The following PCDHGA10 variants were observed in gnomAD, a reference collection of about 807,000 sequenced individuals.
PCDHGA10 encodes the protein protocadherin gamma subfamily A, 10.
Under a neutral mutation model 59.5 loss-of-function variants are expected in PCDHGA10, and 42 were observed. The ratio of observed to expected loss-of-function variants is 0.71; its 90% CI spans 0.55 to 0.91. PCDHGA10 has a LOEUF of 0.91. PCDHGA10 is among the 40% of genes least tolerant of loss of function. PCDHGA10 has a pLI of 0.00. For synonymous variants in PCDHGA10, 511 were observed against 517.2 expected, an observed-to-expected ratio of 0.99 and a Z score of 0.16; for missense variants, 1,111 against 1,198.2, an observed-to-expected ratio of 0.93 and a Z score of 1.07.
intron 1 of PCDHGA10, among the ~76,000 whole-genome samples, chr5:141,449,586 C>T (rs2098645911): frequency 1.6e-5 from 2 of 125,482 alleles, no homozygotes; most frequent in East Asian, 2.3e-4. Context: ...AAGACTCTGT[C>T]TCAAAAAAAA....
chr5:141,456,335 G>A (rs2098850730), intron 1 of PCDHGA10, among the ~76,000 whole-genome samples: 1 of 152,114 alleles, frequency 6.6e-6, no homozygotes. Flanking sequence ...TTGATCTAAG[G>A]GTCCTCGGAA....
intron 1 of PCDHGA10, chr5:141,433,010 C>A (rs1392666523): frequency 6.2e-7 from 1 of 1,614,178 alleles, no homozygotes. Flanking sequence ...GGCTTTCCTG[C>A]AGACCTATTC....
intron 1 of PCDHGA10, among the ~76,000 whole-genome samples, chr5:141,438,587 C>CAT (rs1372372472): frequency 1.4e-4 from 10 of 73,396 alleles, no homozygotes; most frequent in East Asian, 3.8e-4. Context: ...TACATACATA[C>CAT]ATACATATAT....
At chr5:141,459,885 C>A (rs1333668105) in intron 1 of PCDHGA10, among the ~76,000 whole-genome samples, 1 of 152,106 alleles carries the variant, frequency 6.6e-6, no homozygotes, top group East Asian at 1.9e-4. Flanking sequence ...CTGAGCTGAA[C>A]GCCTTCTTAA....
At chr5:141,423,357 C>G in intron 1 of PCDHGA10, 1 of 1,614,214 alleles carries the variant, frequency 6.2e-7, no homozygotes. Context: ...TCTTTGTCAT[C>G]GTGCTGCTGG....
At chr5:141,480,781 G>A (rs2099525581) in intron 1 of PCDHGA10, among the ~76,000 whole-genome samples, 1 of 152,174 alleles carries the variant, frequency 6.6e-6, no homozygotes, top group Admixed American at 6.5e-5. Flanking sequence ...CTAATGTGCA[G>A]ACAAATTTGA....
At chr5:141,509,574 G>A (rs554778751) in intron 3 of PCDHGA10, among the ~76,000 whole-genome samples, 7 of 152,182 alleles carry the variant, frequency 4.6e-5, no homozygotes, top group Non-Finnish European at 5.9e-5. Flanking sequence ...TTCACAGTGC[G>A]TACAAATCAG....
intron 1 of PCDHGA10, among the ~76,000 whole-genome samples, chr5:141,445,458 A>G (rs1427391084): frequency 6.6e-6 from 1 of 152,248 alleles, no homozygotes; most frequent in Non-Finnish European, 1.5e-5. Flanking sequence ...TGCAGCAATG[A>G]ACAAGGCATA....
chr5:141,425,015 A>G (rs1285592254), intron 1 of PCDHGA10, among the ~76,000 whole-genome samples: 2 of 152,190 alleles, frequency 1.3e-5, no homozygotes, highest in East Asian at 3.8e-4. Context: ...TCATTTAGGA[A>G]TTTACCTTAT....
Position 141,432,837 on chromosome 5 carries a change from T to C in PCDHGA10, c.2436+17226T>C. On this transcript the variant is annotated intron_variant, in intron 1 of 3. Transcript: ENST00000398610. This position sits in a 1 kb window ranked among gnomAD's most constrained non-coding sequence, Gnocchi z 6.0. ...GAAACCTCAGACCTCACTCTGTACC[T>C]GGTGGTAGCGGTGGCCGCGGTCTCC... The C allele has an allele frequency of 6.2e-7, 1 of 1,614,180 alleles. No individual in the cohort carries two copies. Among genetic ancestry groups the C allele is most frequent in the Non-Finnish European group, 8.5e-7 (1 of 1,180,004 alleles).
chr5:141,475,527 C>G (rs1462406655), intron 1 of PCDHGA10, among the ~76,000 whole-genome samples: 2 of 152,172 alleles, frequency 1.3e-5, no homozygotes, highest in African/African-American at 2.4e-5. Context: ...ATGCTAAATG[C>G]CTCCTTACAA....
chr5:141,443,251 C>T (rs200319609), intron 1 of PCDHGA10, among the ~76,000 whole-genome samples: 7 of 150,782 alleles, frequency 4.6e-5, no homozygotes, highest in East Asian at 3.9e-4. Flanking sequence ...GGCGCCAAGG[C>T]GGGTGGATCA....
chr5:141,421,328 A>G (rs1355932974), intron 1 of PCDHGA10: 1 of 1,613,902 alleles, frequency 6.2e-7, no homozygotes. Flanking sequence ...CAGATCCGAT[A>G]TTCGGTGCCA....
chr5:141,492,111 C>T (rs2154587044), intron 1 of PCDHGA10, among the ~76,000 whole-genome samples: 1 of 152,320 alleles, frequency 6.6e-6, no homozygotes, highest in South Asian at 2.1e-4. Context: ...ATTTCCTCTT[C>T]GATTTCTCCC....
chr5:141,423,082 G>A (rs1390567548), intron 1 of PCDHGA10: 3 of 1,614,078 alleles, frequency 1.9e-6, no homozygotes, highest in Admixed American at 1.7e-5. Flanking sequence ...GGGACTCTTC[G>A]CGGTGGGGGA....
chr5:141,428,056 C>T (rs2097104330), intron 1 of PCDHGA10: 3 of 1,609,000 alleles, frequency 1.9e-6, no homozygotes, highest in African/African-American at 1.3e-5. Flanking sequence ...AAGGTGGTGG[C>T]GGTGGACGCA....
intron 1 of PCDHGA10, among the ~76,000 whole-genome samples, chr5:141,461,881 T>C (rs2099025428): frequency 6.6e-6 from 1 of 152,060 alleles, no homozygotes. Flanking sequence ...TGGAGTGCAA[T>C]GGCACGATCT....
chr5:141,428,055 G>C (rs1232516220), intron 1 of PCDHGA10: 8 of 1,608,952 alleles, frequency 5.0e-6, no homozygotes, highest in African/African-American at 1.3e-5. Context: ...CAAGGTGGTG[G>C]CGGTGGACGC....
At chr5:141,470,957 TCCTCCCACCTCAG>T (rs2099244488) in intron 1 of PCDHGA10, among the ~76,000 whole-genome samples, 1 of 152,026 alleles carries the variant, frequency 6.6e-6, no homozygotes, top group South Asian at 2.1e-4. Flanking sequence ...CCTCAAGTGA[TCCTCCCACCTCAG>T]CCTCCCAAAG....
Sources: allele counts gnomAD v4.1 joint callset (sites outside exome capture counted in the v4.1 genomes callset), GRCh38; gene constraint gnomAD v4.1.1; non-coding constraint Gnocchi (gnomAD v3.1); transcripts MANE v1.5; gene names NCBI Gene and HGNC (gene_info 2026-07-23, HGNC 2026-07-21).